Variants in MYSM1 observed in about 807,000 individuals in gnomAD.
MYSM1 encodes the protein Myb like, SWIRM and MPN domains 1, also known as deubiquitinase MYSM1.
In MYSM1, 51 loss-of-function variants were observed where a neutral mutation model predicts 116.0. The observed-to-expected ratio is 0.44, with a 90% CI of 0.35 to 0.56. MYSM1 has a LOEUF of 0.56. Among genes scored for constraint, MYSM1 ranks in the 20% least tolerant of loss-of-function variants. The pLI, the probability that MYSM1 is intolerant of heterozygous loss-of-function variation, is 0.00. For synonymous variants in MYSM1, 313 were observed against 315.2 expected, an observed-to-expected ratio of 0.99 and a Z score of 0.07; for missense variants, 900 against 974.9, an observed-to-expected ratio of 0.92 and a Z score of 1.02.
At chr1:58,676,610 TA>T (rs1392777933) in intron 9 of MYSM1, among the ~76,000 whole-genome samples, 3 of 152,266 alleles carry the variant, frequency 2.0e-5, no homozygotes, top group Admixed American at 6.5e-5. Flanking sequence ...ATTTGCAAAT[TA>T]AATGGGCTAT....
intron 11 of MYSM1, among the ~76,000 whole-genome samples, chr1:58,672,840 C>G (rs193174773): frequency 6.6e-6 from 1 of 152,216 alleles, no homozygotes; most frequent in Non-Finnish European, 1.5e-5. Flanking sequence ...TAGGTTTTGT[C>G]TTTCCTATTA....
Position 58,700,025 on chromosome 1 carries a change from T to C in MYSM1, c.28A>G (p.Ile10Val), listed in dbSNP as rs529415002. The C allele has an allele frequency of 2.1e-5, 34 of 1,613,722 alleles. No homozygotes were observed. The highest frequency in any genetic ancestry group is 2.6e-5 in the Non-Finnish European group (31 of 1,179,992). Residue 10 changes from isoleucine (I) to valine (V), a missense_variant, in exon 1 of 20, where the codon ATC becomes GTC. Coordinates refer to ENST00000472487, the MANE Select transcript of MYSM1 (RefSeq NM_001085487.3). MAAEEADVDIEGDVVAAAGA... is the reference protein window; with the variant it reads MAAEEADVDVEGDVVAAAGA... ...GCCGCCGCTACCACGTCCCCTTCGA[T>C]ATCCACATCCGCCTCTTCAGCCGCC...
intron 16 of MYSM1, 95 bp from the exon 17 acceptor site, chr1:58,665,726 A>C (rs1644457662): frequency 3.5e-6 from 3 of 862,810 alleles, no homozygotes; most frequent in Non-Finnish European, 5.3e-6. Context: ...AATGGGGAAA[A>C]GCAGGAACAA....
At position 58,660,074 on chromosome 1, in the gene MYSM1, A is replaced by G. The variant is rs1446401172; in HGVS notation, c.2410T>C (p.Leu804=). 1 of 1,611,376 alleles carries G rather than the reference A, an allele frequency of 6.2e-7. No individual in the cohort carries two copies. Among genetic ancestry groups the G allele is most frequent in the East Asian group, 2.2e-5 (1 of 44,762 alleles). ...AEEFLTEIEN[L]FLSNYKSNQE... ...TTGCTTTTATAATTGGAAAGGAACA[A>G]ATTTTCTATTTCAGTCAAGAATTCT... Residue 804 remains leucine, a synonymous_variant, in exon 20 of 20, where the codon TTG becomes CTG. Transcript: ENST00000472487.
intron 16 of MYSM1, among the ~76,000 whole-genome samples, chr1:58,666,662 C>T (rs570724789): frequency 3.3e-4 from 48 of 146,894 alleles, no homozygotes; most frequent in African/African-American, 1.2e-3. Flanking sequence ...CACCTGAGGT[C>T]AGGAGTTTGA....
intron 8 of MYSM1, among the ~76,000 whole-genome samples, chr1:58,678,266 G>A (rs760642463): frequency 2.0e-4 from 30 of 152,172 alleles, no homozygotes; most frequent in Middle Eastern, 3.4e-3. Flanking sequence ...CCATAGAAAC[G>A]TTGAGATTTC....
Position 58,675,507 on chromosome 1 carries a change from T to A in MYSM1, c.1464A>T (p.Ala488=). The part of the protein sequence containing the change: ...RIRDRKDAVE[A]YQLAQRLQSM... ...ACTGCAGACGCTGGGCAAGTTGGTA[T>A]GCTTCTACTGCATCTTTTCTGTCTC... is the stretch of plus-strand genomic sequence containing the variant. Residue 488 remains alanine, a synonymous_variant, in exon 10 of 20, where the codon GCA becomes GCT. Coordinates refer to ENST00000472487, the MANE Select transcript of MYSM1 (RefSeq NM_001085487.3). 1 of 1,613,008 alleles carries A rather than the reference T, an allele frequency of 6.2e-7. No homozygotes were observed. Among genetic ancestry groups the A allele is most frequent in the Non-Finnish European group, 8.5e-7 (1 of 1,179,426 alleles).
chr1:58,682,638 T>A, intron 7 of MYSM1, 93 bp from the exon 8 acceptor site: 2 of 1,145,764 alleles, frequency 1.7e-6, no homozygotes, highest in Non-Finnish European at 2.4e-6. Context: ...ACAGTGTTAT[T>A]AAACTGAATA....
Position 58,665,574 on chromosome 1 carries a change from G to A in MYSM1, c.2089C>T (p.Arg697Ter). ...FIGMIVSPYN[R>*]NNPLPYSQIT... Reference sequence around the variant, plus strand: ...TGAGAATATGGTAAGGGATTATTTCGATTATAGGGACTAACAATCATCCCA... The same window carrying A: ...TGAGAATATGGTAAGGGATTATTTCAATTATAGGGACTAACAATCATCCCA... The change falls in exon 17 of 20, where the codon CGA (arginine) becomes TGA (stop). Residue 697 changes from arginine (R) to a stop codon, truncating the protein, a stop_gained. Transcript: ENST00000472487. LOFTEE classifies it high-confidence loss of function. 2.5e-6 allele frequency: 4 copies of A among 1,591,102 alleles called. No individual in the cohort carries two copies. Among genetic ancestry groups the A allele is most frequent in the Non-Finnish European group, 3.5e-6 (4 of 1,159,368 alleles).
intron 7 of MYSM1, among the ~76,000 whole-genome samples, chr1:58,684,564 CAA>C (rs1228037580): frequency 4.9e-5 from 3 of 60,958 alleles, no homozygotes; most frequent in Non-Finnish European, 7.4e-5. Context: ...GACTCTGTCT[CAA>C]AAAAAAAAAA....
chr1:58,665,454 A>C (rs979141443), intron 17 of MYSM1, 45 bp downstream of exon 17: 2 of 1,430,298 alleles, frequency 1.4e-6, no homozygotes, highest in African/African-American at 2.9e-5. Flanking sequence ...GAGTCAAAGA[A>C]ATAAGAGTAG....
At chr1:58,688,513 T>C (rs1003030556) in intron 6 of MYSM1, among the ~76,000 whole-genome samples, 1 of 151,854 alleles carries the variant, frequency 6.6e-6, no homozygotes, top group African/African-American at 2.4e-5. Flanking sequence ...TTTTCCATTA[T>C]GCAACTTGTG....
At chr1:58,675,932 G>A (rs1644643632) in intron 9 of MYSM1, among the ~76,000 whole-genome samples, 1 of 152,078 alleles carries the variant, frequency 6.6e-6, no homozygotes, top group South Asian at 2.1e-4. Context: ...CTGAAATGAA[G>A]GACAGATTCC....
chr1:58,680,872 A>G (rs1436080562), intron 8 of MYSM1, among the ~76,000 whole-genome samples: 3 of 150,794 alleles, frequency 2.0e-5, no homozygotes, highest in African/African-American at 2.4e-5. Context: ...CCCAGGCTGG[A>G]GTGCAGTGGC....
chr1:58,673,630 G>T lies in MYSM1; in HGVS notation c.1515C>A (p.Val505=). 1.2e-6 allele frequency: 2 copies of T among 1,613,970 alleles called. No homozygotes were observed. Among genetic ancestry groups the T allele is most frequent in the South Asian group, 1.1e-5 (1 of 91,056 alleles). The change falls in exon 11 of 20, where the codon GTC becomes GTA. Residue 505 remains valine, a synonymous_variant. Coordinates refer to ENST00000472487, the MANE Select transcript of MYSM1 (RefSeq NM_001085487.3). ...CACACCAGTTTCCCCATGGGTCTCG[G>T]ACCCTACGTCTCCTTGTACGCTGCG... ...LQSMRTRRRR[V]RDPWGNWCDA... is the part of the protein sequence containing the mutation.
chr1:58,691,622 C>T (rs1366968620), intron 3 of MYSM1, among the ~76,000 whole-genome samples: 1 of 152,072 alleles, frequency 6.6e-6, no homozygotes, highest in Non-Finnish European at 1.5e-5. Flanking sequence ...AATCCCAGCA[C>T]TTTGGGAGGC....
chr1:58,686,781 T>C (rs1368245457), intron 6 of MYSM1, among the ~76,000 whole-genome samples: 20 of 151,886 alleles, frequency 1.3e-4, no homozygotes, highest in African/African-American at 7.3e-5. Flanking sequence ...GATTAAGATA[T>C]GATTAGTAGA....
chr1:58,689,159 G>T (rs1336940408), intron 5 of MYSM1, 43 bp from the exon 6 acceptor site: 3 of 1,452,012 alleles, frequency 2.1e-6, no homozygotes, highest in Non-Finnish European at 2.8e-6. Flanking sequence ...TTCTGAAATG[G>T]AACATTCCAT....
chr1:58,668,992 C>T lies in MYSM1; in HGVS notation c.1708G>A (p.Glu570Lys). 1 of 1,599,658 alleles carries T rather than the reference C, an allele frequency of 6.3e-7. No homozygotes were observed. The highest frequency in any genetic ancestry group is 1.3e-5 in the African/African-American group (1 of 74,142). ...TAATGCATAAATAGTACCTGCTTTT[C>T]TTCACTAAAAAAATTACAAGGTATC... ...QLIPCNFFSE[E>K]KQEPFQVKVA... is the part of the protein sequence containing the mutation. Residue 570 changes from glutamate to lysine, a missense_variant, in exon 13 of 20, where the codon GAA becomes AAA. By Grantham distance (56) the Glu-to-Lys change is moderately conservative. Coordinates refer to ENST00000472487, the MANE Select transcript of MYSM1 (RefSeq NM_001085487.3).
Sources: allele counts gnomAD v4.1 joint callset (sites outside exome capture counted in the v4.1 genomes callset), GRCh38; gene constraint gnomAD v4.1.1; transcripts MANE v1.5; gene names NCBI Gene and HGNC (gene_info 2026-07-23, HGNC 2026-07-21).